The following INTU variants were observed in gnomAD, a reference collection of about 807,000 sequenced individuals.
INTU encodes the protein inturned planar cell polarity protein.
INTU carries 68 observed loss-of-function variants against 100.5 expected under a neutral mutation model. The ratio of observed to expected loss-of-function variants is 0.68; its 90% CI spans 0.56 to 0.83. The LOEUF is 0.83. INTU is among the 40% of genes least tolerant of loss of function. The pLI is 0.00. For missense variants in INTU, 1,071 were observed against 1,114.7 expected, an observed-to-expected ratio of 0.96 and a Z score of 0.56; for synonymous variants, 357 against 395.7, an observed-to-expected ratio of 0.90 and a Z score of 1.16.
chr4:127,711,785 C>T (rs1399619939), intron 14 of INTU, among the ~76,000 whole-genome samples: 1 of 152,174 alleles, frequency 6.6e-6, no homozygotes, highest in African/African-American at 2.4e-5. Flanking sequence ...AGAAATTGGT[C>T]TCCAATGCCA....
intron 5 of INTU, among the ~76,000 whole-genome samples, chr4:127,669,684 C>T (rs1728838138): frequency 6.6e-6 from 1 of 151,768 alleles, no homozygotes; most frequent in African/African-American, 2.4e-5. Context: ...TTTAGGAGGG[C>T]TATTCATAAT....
rs932358739 is a variant in INTU at position 127,644,128 on chromosome 4, G to A, written c.682+72G>A. On this transcript the variant is annotated intron_variant, in intron 2 of 15. Coordinates refer to ENST00000335251, the MANE Select transcript of INTU (RefSeq NM_015693.4). ...TTAATGATGACACCTTGCGGGAAAT[G>A]TGATAAAAACAATTATATACAGTCT... The A allele has an allele frequency of 4.8e-6, 7 of 1,468,898 alleles. No homozygotes were observed. In the East Asian group the frequency reaches 6.8e-5, roughly 14 times the overall value. 91.0% of individuals were successfully genotyped at this position (1,468,898 alleles called of 1,614,324 possible).
intron 6 of INTU, among the ~76,000 whole-genome samples, chr4:127,683,396 T>C (rs986288421): frequency 1.3e-5 from 2 of 152,210 alleles, no homozygotes; most frequent in African/African-American, 4.8e-5. Context: ...AGTAGTATTC[T>C]CATTTATTCA....
Position 127,706,524 on chromosome 4 carries a change from GTTGCGCATCCAAAGCTA to G in INTU, c.1830_1846del (p.Cys610TrpfsTer29). ...CTATGTGTACTATTAGAAGCTGGAG[GTTGCGCATCCAAAGCTA>G]TTGGGAGTCCTGGACCAGACTGTGT... is the stretch of plus-strand genomic sequence containing the variant. On this transcript the variant is annotated frameshift_variant, in exon 12 of 16. Coordinates refer to ENST00000335251, the MANE Select transcript of INTU (RefSeq NM_015693.4). LOFTEE classifies it high-confidence loss of function. 6.2e-7 allele frequency: 1 copy of G among 1,613,730 alleles called. No individual in the cohort carries two copies. Among genetic ancestry groups the G allele is most frequent in the East Asian group, 2.2e-5 (1 of 44,878 alleles).
chr4:127,726,001 T>C lies in INTU; in HGVS notation c.*9565T>C, dbSNP rs751112802. The C allele has an allele frequency of 1.3e-5, 2 of 152,204 alleles. No homozygotes were observed. The highest frequency in any genetic ancestry group is 2.9e-5 in the Non-Finnish European group (2 of 68,028). The allele number at this position is 152,204 out of a possible 1,614,324, so 9.4% of individuals were successfully genotyped here. ...TAGAAGACATAGAAACGTTGTTAAATTGGATTTTATTAGTATGCAAATGTT... is the reference window on the plus strand; with the variant it reads ...TAGAAGACATAGAAACGTTGTTAAACTGGATTTTATTAGTATGCAAATGTT... On this transcript the variant is annotated 3_prime_UTR_variant, in exon 16 of 16. Transcript: ENST00000335251.
chr4:127,636,002 C>T (rs1434069841), intron 1 of INTU, among the ~76,000 whole-genome samples: 2 of 152,090 alleles, frequency 1.3e-5, no homozygotes, highest in African/African-American at 4.8e-5. Flanking sequence ...GGTATGGTGG[C>T]TCATACCTGT....
intron 1 of INTU, among the ~76,000 whole-genome samples, chr4:127,642,270 G>A (rs1179396572): frequency 6.6e-6 from 1 of 152,190 alleles, no homozygotes; most frequent in African/African-American, 2.4e-5. Flanking sequence ...TGCCTATGAT[G>A]ATGCCACACA....
chr4:127,634,946 G>A (rs1727002037), intron 1 of INTU, among the ~76,000 whole-genome samples: 1 of 152,168 alleles, frequency 6.6e-6, no homozygotes, highest in South Asian at 2.1e-4. Context: ...CAAAGGCACA[G>A]GAATGCCAAC....
chr4:127,682,275 A>G (rs1729604895), intron 6 of INTU, among the ~76,000 whole-genome samples: 1 of 152,098 alleles, frequency 6.6e-6, no homozygotes, highest in Non-Finnish European at 1.5e-5. Context: ...AAGGACTATA[A>G]ATCATGCTGC....
chr4:127,706,639 A>T lies in INTU; in HGVS notation c.1941A>T (p.Ala647=). 6 of 1,614,142 alleles carry T rather than the reference A, an allele frequency of 3.7e-6. No homozygotes were observed. Among genetic ancestry groups the T allele is most frequent in the Non-Finnish European group, 5.1e-6 (6 of 1,179,992 alleles). Residue 647 remains alanine (A), a synonymous_variant, in exon 12 of 16, where the codon GCA becomes GCT. Coordinates refer to ENST00000335251, the MANE Select transcript of INTU (RefSeq NM_015693.4). ...GVDSRIDERL[A]SSPVPCLSCA... The stretch of plus-strand genomic sequence containing the variant: ...ATTCTCGCATAGATGAACGGCTAGC[A>T]TCTTCTCCAGTCCCCTGTTTGTCTT...
chr4:127,655,393 G>T (rs201616214), intron 2 of INTU, among the ~76,000 whole-genome samples: 1 of 150,868 alleles, frequency 6.6e-6, no homozygotes, highest in Admixed American at 6.6e-5. Flanking sequence ...ATGTACAGAT[G>T]GGTTTTTGGT....
intron 9 of INTU, among the ~76,000 whole-genome samples, chr4:127,702,785 G>T (rs931830596): frequency 3.3e-5 from 5 of 151,620 alleles, no homozygotes; most frequent in African/African-American, 1.2e-4. Context: ...GTCCCCTTTG[G>T]AGTCGACCCC....
chr4:127,639,875 T>G (rs755865183), intron 1 of INTU, among the ~76,000 whole-genome samples: 2 of 152,146 alleles, frequency 1.3e-5, no homozygotes, highest in African/African-American at 2.4e-5. Flanking sequence ...ATTTCTCCTA[T>G]CTAACTGTAA....
intron 8 of INTU, among the ~76,000 whole-genome samples, chr4:127,690,805 C>T (rs72616930): frequency 0.03 from 4,638 of 152,164 alleles, 299 homozygotes; most frequent in East Asian, 0.27. Flanking sequence ...TTCCCCACCA[C>T]AGGGGTACAG....
intron 1 of INTU, among the ~76,000 whole-genome samples, chr4:127,637,305 C>T (rs1204222870): frequency 6.6e-6 from 1 of 152,224 alleles, no homozygotes; most frequent in Non-Finnish European, 1.5e-5. Context: ...TTTTTCTACT[C>T]TACTCAAAAG....
intron 14 of INTU, among the ~76,000 whole-genome samples, chr4:127,711,447 ACT>A (rs1731090236): frequency 6.6e-6 from 1 of 152,038 alleles, no homozygotes; most frequent in Non-Finnish European, 1.5e-5. Flanking sequence ...TCCTAAAATA[ACT>A]CTGATAATTC....
chr4:127,682,379 A>C (rs1729611010), intron 6 of INTU, among the ~76,000 whole-genome samples: 1 of 152,144 alleles, frequency 6.6e-6, no homozygotes, highest in Non-Finnish European at 1.5e-5. Context: ...GATAGACTGG[A>C]TTAAGAAAAT....
At position 127,632,994 on chromosome 4, in the gene INTU, A is replaced by G; in HGVS notation, c.-41A>G. The stretch of plus-strand genomic sequence containing the variant: ...GCGGCCTTAGCAAGCTATAGCTGCG[A>G]GATTTGAATTACTCCACTCGTAGCT... On this transcript the variant is annotated 5_prime_UTR_variant, in exon 1 of 16. Coordinates refer to ENST00000335251, the MANE Select transcript of INTU (RefSeq NM_015693.4). 2 of 1,585,578 alleles carry G rather than the reference A, an allele frequency of 1.3e-6. No homozygotes were observed. Among genetic ancestry groups the G allele is most frequent in the South Asian group, 1.1e-5 (1 of 89,350 alleles).
rs1731264381 is a variant in INTU, at chr4:127,716,398, G to A, written c.2791G>A (p.Glu931Lys). ...FHDSVTEIAI[E>K]IAFKLFFGLT... ...TGACTCAGTCACAGAAATTGCCATT[G>A]AAATAGCTTTTAAATTGTTCTTTGG... Residue 931 changes from glutamate to lysine, a missense_variant, in exon 16 of 16, where the codon GAA becomes AAA. By Grantham distance (56) the Glu-to-Lys change is moderately conservative. Coordinates refer to ENST00000335251, the MANE Select transcript of INTU (RefSeq NM_015693.4). 6.3e-7 allele frequency: 1 copy of A among 1,593,310 alleles called. No homozygotes were observed. The highest frequency in any genetic ancestry group is 2.3e-5 in the East Asian group (1 of 44,328).
Sources: gnomAD v4.1 joint callset for allele counts (sites outside exome capture counted in the v4.1 genomes callset) on GRCh38, gnomAD v4.1.1 for gene constraint, MANE v1.5 for transcripts, NCBI Gene and HGNC (gene_info 2026-07-23, HGNC 2026-07-21) for gene names.